Variants in SRGAP3 observed in about 807,000 individuals in gnomAD.
SRGAP3 encodes SLIT-ROBO Rho GTPase activating protein 3, also known as SLIT-ROBO Rho GTPase-activating protein 3.
SRGAP3 carries 39 observed loss-of-function variants against 121.1 expected under a neutral mutation model. That is an observed-to-expected ratio of 0.32 (90% CI 0.25 to 0.42). The LOEUF is 0.42. SRGAP3 is among the 10% of genes least tolerant of loss of function. The pLI is 1.00. For missense variants in SRGAP3, 1,213 were observed against 1,470.6 expected, an observed-to-expected ratio of 0.82 and a Z score of 2.86; for synonymous variants, 601 against 570.0, an observed-to-expected ratio of 1.05 and a Z score of -0.77.
rs1235392973 is a variant in SRGAP3 at position 8,985,456 on chromosome 3, C to T, written c.*63G>A. 3 of 1,590,010 alleles carry T rather than the reference C, an allele frequency of 1.9e-6. No individual in the cohort carries two copies. Among genetic ancestry groups the T allele is most frequent in the Middle Eastern group, 1.9e-4 (1 of 5,268 alleles). On this transcript the variant is annotated 3_prime_UTR_variant, in exon 22 of 22. Transcript: ENST00000383836. The surrounding 1 kb of genome is among the most constrained non-coding windows in gnomAD (Gnocchi z 5.1). Reference sequence around the variant, plus strand: ...GTCACTGGGAAGCACGTGGAAGCCACCAAGGCCACCCTGGGCCGTGGTGAG... The same window carrying T: ...GTCACTGGGAAGCACGTGGAAGCCATCAAGGCCACCCTGGGCCGTGGTGAG...
chr3:9,170,977 G>A (rs941462383), intron 1 of SRGAP3, among the ~76,000 whole-genome samples: 3 of 152,260 alleles, frequency 2.0e-5, no homozygotes, highest in Non-Finnish European at 4.4e-5. Flanking sequence ...CTCAGCAGCA[G>A]GACAGCGCAC....
chr3:9,035,963 T>C (rs1944723346), intron 11 of SRGAP3: 2 of 152,300 alleles, frequency 1.3e-5, no homozygotes, highest in Admixed American at 6.5e-5. Flanking sequence ...CACGAGGGCA[T>C]GTCAACCTGG....
At chr3:9,350,485 A>G (rs1287500162) in intron 1 of SRGAP3, among the ~76,000 whole-genome samples, 1 of 152,228 alleles carries the variant, frequency 6.6e-6, no homozygotes, top group African/African-American at 2.4e-5. Context: ...GATGAAATGG[A>G]TAAGTCCCTG....
rs1490443809 is a variant in SRGAP3, at chr3:8,990,560, G to C, written c.2838C>G (p.His946Gln). 1 of 1,581,984 alleles carries C rather than the reference G, an allele frequency of 6.3e-7. No homozygotes were observed. The highest frequency in any genetic ancestry group is 1.8e-5 in the Admixed American group (1 of 54,606). The change falls in exon 21 of 22, where the codon CAC becomes CAG. Residue 946 changes from histidine to glutamine, a missense_variant. By Grantham distance (24) the His-to-Gln change is conservative. This residue lies in a region of SRGAP3 where 420 missense variants were observed against 437.7 expected (regional missense o/e 0.96). Coordinates refer to ENST00000383836, the MANE Select transcript of SRGAP3 (RefSeq NM_014850.4). ...SMRSTCGSTR[H>Q]SSLGDHKSLE... ...GGGACTTGTGGTCCCCTAGGCTGCT[G>C]TGCCTGGTGGAACCGCAGGTCGACC...
rs920270805 is a variant in SRGAP3 at position 9,265,528 on chromosome 3, GA to G, written n.442+60481del. On this transcript the variant is annotated intron_variant and non_coding_transcript_variant, in intron 3 of 3. Coordinates refer to the SRGAP3 transcript ENST00000490889. ...ACAAGGAACTTAAGCAAATTTACAA[GA>G]AAAAAAAACCCCATCAAAAAGTGGG... Among the ~76,000 whole-genome samples, 29 of 147,900 alleles carry G rather than the reference GA, an allele frequency of 2.0e-4. No homozygotes were observed. In the South Asian group the frequency reaches 2.6e-3, roughly 13 times the overall value.
At chr3:9,297,496 A>C (rs1411208067) in intron 3 of SRGAP3, among the ~76,000 whole-genome samples, 2 of 152,140 alleles carry the variant, frequency 1.3e-5, no homozygotes, top group African/African-American at 2.4e-5. Flanking sequence ...AACTCCTAGT[A>C]CCTCAGAATG....
intron 3 of SRGAP3, among the ~76,000 whole-genome samples, chr3:9,276,941 T>C (rs2125263337): frequency 6.6e-6 from 1 of 152,364 alleles, no homozygotes; most frequent in South Asian, 2.1e-4. Flanking sequence ...TGCGTCACAA[T>C]GCTGTGATTC....
intron 3 of SRGAP3, among the ~76,000 whole-genome samples, chr3:9,316,342 C>A (rs1955345619): frequency 6.6e-6 from 1 of 150,920 alleles, no homozygotes; most frequent in Non-Finnish European, 1.5e-5. Context: ...AGCCACCACA[C>A]TCAGCCTTCT....
chr3:9,232,512 A>T (rs1356310626), intron 1 of SRGAP3, among the ~76,000 whole-genome samples: 1 of 152,172 alleles, frequency 6.6e-6, no homozygotes, highest in Non-Finnish European at 1.5e-5. Flanking sequence ...TTTTATTTTT[A>T]AAACTGTAAT....
intron 1 of SRGAP3, among the ~76,000 whole-genome samples, chr3:9,241,467 C>T (rs774099926): frequency 6.8e-4 from 103 of 152,330 alleles, no homozygotes; most frequent in Non-Finnish European, 1.4e-3. Flanking sequence ...CTAGACCACA[C>T]CCCACTGAGA....
At chr3:9,042,102 C>G (rs1299479653) in intron 10 of SRGAP3, among the ~76,000 whole-genome samples, 1 of 98,180 alleles carries the variant, frequency 1.0e-5, no homozygotes. Flanking sequence ...GACGCCATCT[C>G]AAAAAAAAAA....
At position 9,104,805 on chromosome 3, in the gene SRGAP3, A is replaced by T; in HGVS notation, c.298T>A (p.Tyr100Asn). 6.2e-7 allele frequency: 1 copy of T among 1,614,252 alleles called. No homozygotes were observed. The highest frequency in any genetic ancestry group is 1.3e-5 in the African/African-American group (1 of 75,066). Reference sequence around the variant, plus strand: ...CGCCGGGTCTGATGCAGAACCAGATACCAACAGTTCACAGGCGAGAGGAGG... The same window carrying T: ...CGCCGGGTCTGATGCAGAACCAGATTCCAACAGTTCACAGGCGAGAGGAGG... ...QYLLSPVNCW[Y>N]LVLHQTRRES... Residue 100 changes from tyrosine (Y) to asparagine (N), a missense_variant, in exon 3 of 22, where the codon TAT (tyrosine) becomes AAT (asparagine). By Grantham distance (143) the Tyr-to-Asn change is moderately radical (BLOSUM62 -2). Around this residue, in one of 2 missense-constraint regions of SRGAP3, gnomAD observed 793 missense variants for 1,032.9 expected, o/e 0.77. Coordinates refer to ENST00000383836, the MANE Select transcript of SRGAP3 (RefSeq NM_014850.4).
chr3:9,323,536 T>C (rs1465970251), intron 3 of SRGAP3, among the ~76,000 whole-genome samples: 1 of 151,738 alleles, frequency 6.6e-6, no homozygotes, highest in East Asian at 1.9e-4. Context: ...GGCCTAGAGT[T>C]TTCTAGACTC....
chr3:9,297,025 C>T (rs1193552769), intron 3 of SRGAP3, among the ~76,000 whole-genome samples: 2 of 152,156 alleles, frequency 1.3e-5, no homozygotes, highest in Non-Finnish European at 2.9e-5. Context: ...GCTGGGACTA[C>T]AGGTGTGCAC....
chr3:9,060,236 T>C lies in SRGAP3; in HGVS notation c.796A>G (p.Ile266Val), dbSNP rs1361240425. 5.6e-6 allele frequency: 9 copies of C among 1,613,850 alleles called. No individual in the cohort carries two copies. Among genetic ancestry groups the C allele is most frequent in the African/African-American group, 1.3e-5 (1 of 74,878 alleles). Residue 266 changes from isoleucine (I) to valine (V), a missense_variant, in exon 6 of 22, where the codon ATC becomes GTC. Physicochemically the swap from Ile to Val is conservative, Grantham distance 29. Transcript: ENST00000383836. Reference sequence around the variant, plus strand: ...AGACTCCCCAGGGAGCTCACATCGATCAGATCAGAGACATCATGGATGTAG... The same window carrying C: ...AGACTCCCCAGGGAGCTCACATCGACCAGATCAGAGACATCATGGATGTAG... ...KYYIHDVSDLIDCCDLGFHAS... is the reference protein window; with the variant it reads ...KYYIHDVSDLVDCCDLGFHAS...
At chr3:9,128,669 G>A (rs1486059435) in intron 1 of SRGAP3, among the ~76,000 whole-genome samples, 1 of 152,170 alleles carries the variant, frequency 6.6e-6, no homozygotes, top group Non-Finnish European at 1.5e-5. Context: ...TATCTTTATA[G>A]CCAAATATTA....
intron 1 of SRGAP3, chr3:9,337,814 C>T (rs562170194): frequency 1.3e-5 from 2 of 152,294 alleles, no homozygotes; most frequent in South Asian, 4.1e-4. Context: ...CCAAAAGAGG[C>T]TCTGTGAAAA....
intron 1 of SRGAP3, among the ~76,000 whole-genome samples, chr3:9,141,809 A>G (rs1034988738): frequency 9.9e-5 from 15 of 152,164 alleles, no homozygotes; most frequent in African/African-American, 3.1e-4. Flanking sequence ...CAAGTTTCCA[A>G]ATAAACTCTT....
chr3:8,989,180 T>C lies in SRGAP3; in HGVS notation c.2886+1332A>G, dbSNP rs555097462. ...TAGACTGCATTTGATTCTTTATAAA[T>C]GTAAAGGGCCCTGGGGCAGGCCTCA... On this transcript the variant is annotated intron_variant, in intron 21 of 21. Coordinates refer to ENST00000383836, the MANE Select transcript of SRGAP3 (RefSeq NM_014850.4). Among the ~76,000 whole-genome samples, 12 of 152,354 alleles carry C rather than the reference T, an allele frequency of 7.9e-5. No individual in the cohort carries two copies. The South Asian group carries it at 2.3e-3, about 29-fold the overall frequency.
Sources: gnomAD v4.1 joint callset for allele counts (sites outside exome capture counted in the v4.1 genomes callset) on GRCh38, gnomAD v4.1.1 for gene constraint, gnomAD v4.1.1 regional missense constraint, Gnocchi (gnomAD v3.1) non-coding constraint, MANE v1.5 for transcripts, NCBI Gene and HGNC (gene_info 2026-07-23, HGNC 2026-07-21) for gene names.